Variants in CACNA1I observed in about 807,000 individuals in gnomAD.
CACNA1I encodes voltage-dependent T-type calcium channel subunit alpha-1I.
Under a neutral mutation model 201.6 loss-of-function variants are expected in CACNA1I, and 74 were observed. The observed-to-expected ratio is 0.37, with a 90% CI of 0.30 to 0.45. The LOEUF is 0.45. Ranked by LOEUF, CACNA1I falls within the 20% of genes least tolerant of loss-of-function variation. CACNA1I has a pLI of 1.00. For missense variants in CACNA1I, 2,346 were observed against 3,138.1 expected (o/e 0.75, Z 6.03); for synonymous variants, 1,431 against 1,345.2 (o/e 1.06, Z -1.40).
intron 1 of CACNA1I, among the ~76,000 whole-genome samples, chr22:39,573,960 G>A (rs764824257): frequency 1.3e-5 from 2 of 152,158 alleles, no homozygotes; most frequent in Admixed American, 6.5e-5. Context: ...TGCGCAGAGC[G>A]AGGGTTCCCC....
chr22:39,679,630 C>A, intron 32 of CACNA1I, 92 bp from the exon 33 acceptor site: 1 of 1,306,474 alleles, frequency 7.7e-7, no homozygotes, highest in Non-Finnish European at 1.1e-6. Context: ...CGCAGAGAAC[C>A]AACCGGGAGG....
chr22:39,624,146 G>A (rs771744848), intron 4 of CACNA1I, among the ~76,000 whole-genome samples: 8 of 148,578 alleles, frequency 5.4e-5, no homozygotes, highest in Non-Finnish European at 8.9e-5. Context: ...TGTGTGTAGC[G>A]AGCATGTGTG....
rs546653068 is a variant in CACNA1I, at chr22:39,574,409, A to G, written c.236+3421A>G. On this transcript the variant is annotated intron_variant, in intron 1 of 36. Coordinates refer to ENST00000402142, the MANE Select transcript of CACNA1I (RefSeq NM_021096.4). ...AGAGACCCAGGAGACGTGGCTGTCC[A>G]TAGGGCTGTCCCCTGGAGCAGAGAC... is the stretch of plus-strand genomic sequence containing the variant. 4.6e-5 allele frequency among the ~76,000 whole-genome samples: 7 copies of G among 152,100 alleles called. 1 individual carries two copies. The South Asian group carries it at 1.5e-3, about 32-fold the overall frequency.
chr22:39,681,185 T>G lies in CACNA1I; in HGVS notation c.5664+133T>G, dbSNP rs954681558. On this transcript the variant is annotated intron_variant, in intron 34 of 36. Coordinates refer to ENST00000402142, the MANE Select transcript of CACNA1I (RefSeq NM_021096.4). The stretch of plus-strand genomic sequence containing the variant: ...CCCACTGTGCTAGGCCTTCATCTCC[T>G]GTTGGACAGATGAGGGCAGTAGGGC... 5.8e-6 allele frequency: 6 copies of G among 1,034,720 alleles called. No individual in the cohort carries two copies. In the African/African-American group the frequency reaches 6.4e-5, roughly 11 times the overall value. The allele number at this position is 1,034,720 out of a possible 1,614,324, so 64.1% of individuals were successfully genotyped here.
chr22:39,572,989 C>T (rs187191381), intron 1 of CACNA1I, among the ~76,000 whole-genome samples: 198 of 152,186 alleles, frequency 1.3e-3, no homozygotes, highest in African/African-American at 4.5e-3. Flanking sequence ...ACTCCTGACT[C>T]GTGAACCGCC....
intron 4 of CACNA1I, among the ~76,000 whole-genome samples, chr22:39,625,777 C>A (rs920739967): frequency 6.6e-6 from 1 of 151,966 alleles, no homozygotes; most frequent in Admixed American, 6.6e-5. Flanking sequence ...TTTCCTAAGT[C>A]ACCGCCTCTC....
chr22:39,663,670 G>T, intron 18 of CACNA1I, 48 bp from the exon 19 acceptor site: 2 of 1,609,484 alleles, frequency 1.2e-6, no homozygotes, highest in African/African-American at 2.7e-5. Flanking sequence ...CTTCTGGCCA[G>T]GGTGGGAGGC....
At chr22:39,679,999 T>C in intron 33 of CACNA1I, 131 bp downstream of exon 33, 4 of 912,410 alleles carry the variant, frequency 4.4e-6, no homozygotes, top group Non-Finnish European at 6.5e-6. Flanking sequence ...CACACGTAGC[T>C]TCCATGGCTG....
chr22:39,686,138 C>G lies in CACNA1I; in HGVS notation c.6405C>G (p.Leu2135=). ...TCAGCAGCCTCTCGCTCACCTCCCT[C>G]TTCTGCCCGCCGCCCCCGCCGCCAG... ...ETLSSLSLTS[L]FCPPPPPPAP... The change falls in exon 37 of 37, where the codon CTC becomes CTG. Residue 2135 remains leucine, a synonymous_variant. Coordinates refer to ENST00000402142, the MANE Select transcript of CACNA1I (RefSeq NM_021096.4). 1 of 1,272,958 alleles carries G rather than the reference C, an allele frequency of 7.9e-7. No individual in the cohort carries two copies. Among genetic ancestry groups the G allele is most frequent in the Non-Finnish European group, 9.9e-7 (1 of 1,010,902 alleles). 78.9% of individuals were successfully genotyped at this position (1,272,958 alleles called of 1,614,324 possible). A position where few individuals can be genotyped will look rare whatever the true frequency, so the allele number is the denominator to read the frequency against.
chr22:39,632,492 G>T (rs1312860308), intron 4 of CACNA1I, among the ~76,000 whole-genome samples: 1 of 152,030 alleles, frequency 6.6e-6, no homozygotes, highest in Non-Finnish European at 1.5e-5. Flanking sequence ...CAGCAAATGT[G>T]CCCGGAGCGG....
chr22:39,632,902 G>A (rs1158802207), intron 4 of CACNA1I, among the ~76,000 whole-genome samples: 1 of 151,784 alleles, frequency 6.6e-6, no homozygotes, highest in Non-Finnish European at 1.5e-5. Flanking sequence ...CCTGCTCTCG[G>A]TGGGGTGAAG....
rs1043227279 is a variant in CACNA1I at position 39,649,310 on chromosome 22, C to T, written c.1568-191C>T. On this transcript the variant is annotated intron_variant, in intron 9 of 36. Coordinates refer to ENST00000402142, the MANE Select transcript of CACNA1I (RefSeq NM_021096.4). This position sits in a 1 kb window ranked among gnomAD's most constrained non-coding sequence, Gnocchi z 7.3. ...GTGGGCGTTCCTGCCCCAACTTCTA[C>T]AACAGGGGCAGACAAAGCTCAGAGA... Among the ~76,000 whole-genome samples the T allele has an allele frequency of 3.9e-5, 6 of 152,240 alleles. No homozygotes were observed. The highest frequency in any genetic ancestry group is 2.0e-4 in the Admixed American group (3 of 15,290).
rs1180329150 is a variant in CACNA1I at position 39,666,109 on chromosome 22, ACT to A, written c.4104+104_4104+105del. 45 of 1,393,828 alleles carry A rather than the reference ACT, an allele frequency of 3.2e-5. No individual in the cohort carries two copies. Among genetic ancestry groups the A allele is most frequent in the Non-Finnish European group, 4.2e-5 (43 of 1,015,088 alleles). 86.3% of individuals were successfully genotyped at this position (1,393,828 alleles called of 1,614,324 possible). On this transcript the variant is annotated intron_variant, in intron 23 of 36. Coordinates refer to ENST00000402142, the MANE Select transcript of CACNA1I (RefSeq NM_021096.4). The surrounding 1 kb of genome is among the most constrained non-coding windows in gnomAD (Gnocchi z 4.1). ...CTTGTCTTGCACTGCCAGGACTGACACTGACTTCTCCTCTCCAAGCCTCAGTT... is the reference window on the plus strand; with the variant it reads ...CTTGTCTTGCACTGCCAGGACTGACAGACTTCTCCTCTCCAAGCCTCAGTT...
At chr22:39,598,891 C>T (rs1932955655) in intron 2 of CACNA1I, among the ~76,000 whole-genome samples, 1 of 150,410 alleles carries the variant, frequency 6.6e-6, no homozygotes. Flanking sequence ...CGGTGCAACT[C>T]CCTGGGAAAG....
chr22:39,662,063 G>A lies in CACNA1I; in HGVS notation c.3000G>A (p.Ser1000=). 1 of 1,552,268 alleles carries A rather than the reference G, an allele frequency of 6.4e-7. No individual in the cohort carries two copies. The highest frequency in any genetic ancestry group is 8.7e-7 in the Non-Finnish European group (1 of 1,153,226). ...SWNSLKHKPP[S]AEHESLLSAE... is the part of the protein sequence containing the mutation. ...ACAGCCTCAAGCACAAGCCGCCGTC[G>A]GCGGAGCATGAGTCCCTGCTCTCTG... The change falls in exon 17 of 37, where the codon TCG becomes TCA. Residue 1000 remains serine (S), a synonymous_variant. Coordinates refer to ENST00000402142, the MANE Select transcript of CACNA1I (RefSeq NM_021096.4).
At position 39,665,495 on chromosome 22, in the gene CACNA1I, C is replaced by T; in HGVS notation, c.3852-3C>T. 6.2e-7 allele frequency: 1 copy of T among 1,613,612 alleles called. No individual in the cohort carries two copies. The highest frequency in any genetic ancestry group is 8.5e-7 in the Non-Finnish European group (1 of 1,179,736). On this transcript the variant is annotated splice_polypyrimidine_tract_variant and splice_region_variant and intron_variant, in intron 21 of 36. Transcript: ENST00000402142. This position sits in a 1 kb window ranked among gnomAD's most constrained non-coding sequence, Gnocchi z 5.5. Reference sequence around the variant, plus strand: ...TGTGTGCCTGGCCTCTCCCTGCCGTCAGTGTCATCAGCCGGGCGCCGGGCC... The same window carrying T: ...TGTGTGCCTGGCCTCTCCCTGCCGTTAGTGTCATCAGCCGGGCGCCGGGCC...
At chr22:39,621,679 C>T (rs891207330) in intron 4 of CACNA1I, among the ~76,000 whole-genome samples, 16 of 151,936 alleles carry the variant, frequency 1.1e-4, no homozygotes, top group African/African-American at 3.9e-4. Flanking sequence ...CGATAGAAAA[C>T]GCTGGGGGTC....
chr22:39,686,297 C>T lies in CACNA1I; in HGVS notation c.6564C>T (p.Pro2188=), dbSNP rs780884450. The change falls in exon 37 of 37, where the codon CCC becomes CCT. Residue 2188 remains proline (P), a synonymous_variant. Transcript: ENST00000402142. ...GGGCCGCGGACCGCAGCAAGGACCC[C>T]CCCGGCCGGGCACCGCTGCCCATGG... is the stretch of plus-strand genomic sequence containing the variant. ...PSWAADRSKD[P]PGRAPLPMGL... 3.0e-6 allele frequency: 4 copies of T among 1,326,156 alleles called. No homozygotes were observed. The African/African-American group carries it at 6.2e-5, about 20-fold the overall frequency. The allele number at this position is 1,326,156 out of a possible 1,614,324, so 82.1% of individuals were successfully genotyped here.
At position 39,687,290 on chromosome 22, in the gene CACNA1I, G is replaced by A. The variant is rs986342663; in HGVS notation, c.*885G>A. 1 of 152,492 alleles carries A rather than the reference G, an allele frequency of 6.6e-6. No individual in the cohort carries two copies. The highest frequency in any genetic ancestry group is 1.5e-5 in the Non-Finnish European group (1 of 68,308). 9.4% of individuals were successfully genotyped at this position (152,492 alleles called of 1,614,324 possible). A position where few individuals can be genotyped will look rare whatever the true frequency, so the allele number is the denominator to read the frequency against. ...GGAGCAGGAGTGGAGGCAGCCTGCA[G>A]AGGAAGGGTGCGGGAGACTGAGCCG... On this transcript the variant is annotated 3_prime_UTR_variant, in exon 37 of 37. Coordinates refer to ENST00000402142, the MANE Select transcript of CACNA1I (RefSeq NM_021096.4).
Sources: gnomAD v4.1 joint callset for allele counts (sites outside exome capture counted in the v4.1 genomes callset) on GRCh38, gnomAD v4.1.1 for gene constraint, Gnocchi (gnomAD v3.1) non-coding constraint, MANE v1.5 for transcripts, NCBI Gene and HGNC (gene_info 2026-07-23, HGNC 2026-07-21) for gene names.